The following KATNA1 variants were observed in gnomAD, a reference collection of about 807,000 sequenced individuals.
KATNA1 encodes katanin catalytic subunit A1, also known as katanin p60 ATPase-containing subunit A1.
A neutral mutation model predicts 62.6 loss-of-function variants in KATNA1; 42 were observed. The observed-to-expected ratio is 0.67, with a 90% CI of 0.52 to 0.87. The LOEUF is 0.87. Among genes scored for constraint, KATNA1 ranks in the 40% least tolerant of loss-of-function variants. The pLI is 0.00. For synonymous variants in KATNA1, 186 were observed against 201.9 expected (o/e 0.92, Z 0.67); for missense variants, 498 against 612.5 (o/e 0.81, Z 1.97).
intron 8 of KATNA1, chr6:149,598,009 T>G: frequency 1.9e-6 from 1 of 530,472 alleles, no homozygotes; most frequent in Non-Finnish European, 3.3e-6. Flanking sequence ...GCCCTGTGTG[T>G]GGCCATTAAT....
intron 3 of KATNA1, among the ~76,000 whole-genome samples, chr6:149,626,137 C>T (rs1474500042): frequency 3.9e-5 from 6 of 152,200 alleles, no homozygotes; most frequent in African/African-American, 1.2e-4. Context: ...AGTTGGCCTT[C>T]CATATCTGCA....
intron 4 of KATNA1, among the ~76,000 whole-genome samples, chr6:149,607,571 T>C (rs1778791471): frequency 1.3e-5 from 2 of 152,230 alleles, no homozygotes; most frequent in South Asian, 4.2e-4. Context: ...GAGATTGCAC[T>C]ACTGCAGTCC....
Position 149,623,940 on chromosome 6 carries a change from C to T in KATNA1, c.321-657G>A, listed in dbSNP as rs73781289. ...AAATTATCAGAGAAGAGAGTTTTAT[C>T]GAGACAACCAGAATACAATACAAGT... On this transcript the variant is annotated intron_variant, in intron 3 of 10. Coordinates refer to ENST00000367411, the MANE Select transcript of KATNA1 (RefSeq NM_007044.4). Among the ~76,000 whole-genome samples, 365 of 152,086 alleles carry T rather than the reference C, an allele frequency of 2.4e-3. 2 individuals carry two copies. Among genetic ancestry groups the T allele is most frequent in the African/African-American group, 8.0e-3 (332 of 41,496 alleles).
intron 4 of KATNA1, among the ~76,000 whole-genome samples, chr6:149,611,899 C>T (rs1778974569): frequency 6.6e-6 from 1 of 151,990 alleles, no homozygotes; most frequent in South Asian, 2.1e-4. Flanking sequence ...CTCAGGGAGG[C>T]TGAGGCAGGA....
At chr6:149,643,068 C>A (rs1456506491) in intron 1 of KATNA1, among the ~76,000 whole-genome samples, 1 of 152,216 alleles carries the variant, frequency 6.6e-6, no homozygotes, top group Non-Finnish European at 1.5e-5. Context: ...GCTGGCCCCA[C>A]TCAAATGGAA....
intron 1 of KATNA1, among the ~76,000 whole-genome samples, chr6:149,645,456 C>CAA (rs201041700): frequency 0.041 from 5,070 of 123,722 alleles, 267 homozygotes; most frequent in African/African-American, 0.14. Context: ...AAACAAAAAA[C>CAA]AAAAAAAAAA....
chr6:149,620,779 GATT>G (rs1182474835), intron 4 of KATNA1, among the ~76,000 whole-genome samples: 9 of 152,114 alleles, frequency 5.9e-5, no homozygotes, highest in East Asian at 1.9e-4. Context: ...AAATATGTAT[GATT>G]ATTATGTGTC....
chr6:149,638,574 G>GAA lies in KATNA1; in HGVS notation c.-13-16_-13-15dup. The stretch of plus-strand genomic sequence containing the variant: ...TTCAACTGTAAGCTAAAAAGAAGAA[G>GAA]AAAAAAAGAAACACTTTAGGTTTAC... On this transcript the variant is annotated splice_polypyrimidine_tract_variant and intron_variant, in intron 1 of 10. Coordinates refer to ENST00000367411, the MANE Select transcript of KATNA1 (RefSeq NM_007044.4). 6.4e-7 allele frequency: 1 copy of GAA among 1,552,312 alleles called. No individual in the cohort carries two copies. The highest frequency in any genetic ancestry group is 8.8e-7 in the Non-Finnish European group (1 of 1,141,998).
chr6:149,645,235 A>G lies in KATNA1; in HGVS notation c.-14+3234T>C, dbSNP rs192779110. On this transcript the variant is annotated intron_variant, in intron 1 of 10. Transcript: ENST00000367411. Reference sequence around the variant, plus strand: ...GCCGAGGCAGGTGGATCACCAGGTCAGATCAAGACCATCCTGGCTAACACA... The same window carrying G: ...GCCGAGGCAGGTGGATCACCAGGTCGGATCAAGACCATCCTGGCTAACACA... 6.7e-3 allele frequency among the ~76,000 whole-genome samples: 1,027 copies of G among 152,216 alleles called. 11 individuals are homozygous for G. The highest frequency in any genetic ancestry group is 0.011 in the Non-Finnish European group (757 of 68,004).
At chr6:149,610,441 G>T (rs563564174) in intron 4 of KATNA1, among the ~76,000 whole-genome samples, 6 of 151,984 alleles carry the variant, frequency 3.9e-5, no homozygotes, top group African/African-American at 1.4e-4. Context: ...TACCAAAACA[G>T]ACCATATCTT....
At chr6:149,623,389 C>A (rs1173022827) in intron 3 of KATNA1, 106 bp from the exon 4 acceptor site, 1 of 723,844 alleles carries the variant, frequency 1.4e-6, no homozygotes, top group Non-Finnish European at 2.1e-6. Flanking sequence ...AATGCAACAA[C>A]TGAACACAAG....
rs145922826 is a variant in KATNA1 at position 149,638,806 on chromosome 6, G to A, written c.-13-246C>T. On this transcript the variant is annotated intron_variant, in intron 1 of 10. Transcript: ENST00000367411. ...GGCTGGAGCGCAATGGCATGATCTC[G>A]GCTCACTGCAACCTCTGCCTCCCGG... Among the ~76,000 whole-genome samples the A allele has an allele frequency of 1.4e-3, 189 of 136,526 alleles. 2 individuals are homozygous for A. The highest frequency in any genetic ancestry group is 5.0e-3 in the African/African-American group (185 of 37,050). The allele number at this position is 136,526 out of a possible 152,430, so 89.6% of individuals were successfully genotyped here. A position where few individuals can be genotyped will look rare whatever the true frequency, so the allele number is the denominator to read the frequency against.
intron 3 of KATNA1, among the ~76,000 whole-genome samples, chr6:149,625,297 T>C (rs1015288922): frequency 6.6e-6 from 1 of 152,098 alleles, no homozygotes; most frequent in Non-Finnish European, 1.5e-5. Flanking sequence ...GGGCCTAGTT[T>C]AAGGGAGTAA....
chr6:149,598,156 C>T, intron 8 of KATNA1, 68 bp downstream of exon 8: 1 of 1,562,172 alleles, frequency 6.4e-7, no homozygotes, highest in South Asian at 1.2e-5. Context: ...AAGTTTGACC[C>T]ACTGGAACTG....
intron 6 of KATNA1, 23 bp from the exon 7 acceptor site, chr6:149,601,775 A>C: frequency 1.3e-6 from 2 of 1,515,198 alleles, no homozygotes; most frequent in Non-Finnish European, 1.8e-6. Context: ...TAATAGCCTC[A>C]GCAGAGGATT....
chr6:149,634,608 C>T (rs1330745188), intron 2 of KATNA1, among the ~76,000 whole-genome samples: 1 of 152,174 alleles, frequency 6.6e-6, no homozygotes, highest in African/African-American at 2.4e-5. Context: ...TGGGTTCAAG[C>T]CATCCTCTCA....
At chr6:149,622,419 C>T (rs1582785553) in intron 4 of KATNA1, among the ~76,000 whole-genome samples, 1 of 152,060 alleles carries the variant, frequency 6.6e-6, no homozygotes, top group Non-Finnish European at 1.5e-5. Flanking sequence ...ATTATATATA[C>T]AACTTAGTCT....
intron 3 of KATNA1, among the ~76,000 whole-genome samples, chr6:149,631,834 A>C (rs1186789024): frequency 1.3e-5 from 2 of 152,208 alleles, no homozygotes; most frequent in African/African-American, 4.8e-5. Context: ...TTGGCTAGTT[A>C]CAGTATTTCA....
intron 4 of KATNA1, among the ~76,000 whole-genome samples, chr6:149,615,143 A>C (rs1409302386): frequency 1.3e-5 from 2 of 150,890 alleles, no homozygotes; most frequent in Admixed American, 6.6e-5. Context: ...AAAAAAAAAA[A>C]AAAAAAAAAA....
Sources: allele counts gnomAD v4.1 joint callset (sites outside exome capture counted in the v4.1 genomes callset), GRCh38; gene constraint gnomAD v4.1.1; transcripts MANE v1.5; gene names NCBI Gene and HGNC (gene_info 2026-07-23, HGNC 2026-07-21).